ARB2A: variants seen among roughly 807,000 people sequenced by gnomAD.
ARB2A encodes the protein ARB2 cotranscriptional regulator A.
the ARB2A span, among the ~76,000 whole-genome samples, chr5:94,020,647 C>T: frequency 6.6e-6 from 1 of 152,210 alleles, no homozygotes; most frequent in East Asian, 1.9e-4. Context: ...AGAGAGGGTA[C>T]ATATTGTAGA....
chr5:94,064,377 T>C, the ARB2A span, among the ~76,000 whole-genome samples: 1 of 152,174 alleles, frequency 6.6e-6, no homozygotes, highest in Admixed American at 6.5e-5. Flanking sequence ...ATACTTGAAT[T>C]TGTGGTGTCC....
At chr5:93,894,407 AT>A in the ARB2A span, among the ~76,000 whole-genome samples, 2 of 151,128 alleles carry the variant, frequency 1.3e-5, no homozygotes, top group African/African-American at 2.4e-5. Context: ...TTTTTTTAAT[AT>A]TAAAAAAAAA....
At chr5:93,740,730 C>T in the ARB2A span, 3 of 1,612,808 alleles carry the variant, frequency 1.9e-6, no homozygotes. Flanking sequence ...CGGCTGTCCC[C>T]ACAATCTCCC....
chr5:93,788,911 C>A, the ARB2A span, among the ~76,000 whole-genome samples: 173 of 152,232 alleles, frequency 1.1e-3, no homozygotes, highest in African/African-American at 3.5e-3. Flanking sequence ...ATGGCTTCAC[C>A]CTAACCTAAA....
the ARB2A span, among the ~76,000 whole-genome samples, chr5:93,941,435 GAAC>G: frequency 1.4e-4 from 22 of 152,046 alleles, no homozygotes; most frequent in Non-Finnish European, 2.4e-4. Flanking sequence ...ACTCAAAAAA[GAAC>G]AACATGACAG....
the ARB2A span, among the ~76,000 whole-genome samples, chr5:93,971,199 CCT>C: frequency 6.6e-6 from 1 of 151,940 alleles, no homozygotes; most frequent in Non-Finnish European, 1.5e-5. Flanking sequence ...GGGATTTCAC[CCT>C]GTTAGCCAGG....
chr5:93,817,978 C>T, the ARB2A span, among the ~76,000 whole-genome samples: 2 of 151,720 alleles, frequency 1.3e-5, no homozygotes, highest in African/African-American at 2.4e-5. Flanking sequence ...ATATAAAGAC[C>T]TATGAAAAAT....
the ARB2A span, among the ~76,000 whole-genome samples, chr5:93,732,045 G>A: frequency 6.6e-6 from 1 of 152,212 alleles, no homozygotes; most frequent in Non-Finnish European, 1.5e-5. Context: ...TAGCTGGAAA[G>A]TGAGGTGGCA....
chr5:93,790,463 A>AT, the ARB2A span, among the ~76,000 whole-genome samples: 4 of 152,334 alleles, frequency 2.6e-5, no homozygotes, highest in South Asian at 6.2e-4. Context: ...CTTTGATTAC[A>AT]TGGTGCAAGA....
At chr5:94,096,608 T>C in the ARB2A span, among the ~76,000 whole-genome samples, 2 of 152,086 alleles carry the variant, frequency 1.3e-5, no homozygotes, top group Non-Finnish European at 2.9e-5. Flanking sequence ...CTCTTTAACT[T>C]CTAAGCAAAG....
the ARB2A span, among the ~76,000 whole-genome samples, chr5:93,894,486 C>A: frequency 3.3e-5 from 5 of 152,070 alleles, no homozygotes; most frequent in African/African-American, 9.6e-5. Context: ...CTTCTCTGTA[C>A]ACAGTGAAAT....
the ARB2A span, among the ~76,000 whole-genome samples, chr5:93,849,594 T>C: frequency 6.6e-6 from 1 of 152,116 alleles, no homozygotes; most frequent in African/African-American, 2.4e-5. Context: ...AATCTGAGTA[T>C]GAATAAGACT....
the ARB2A span, among the ~76,000 whole-genome samples, chr5:93,756,686 A>C: frequency 6.6e-6 from 1 of 152,022 alleles, no homozygotes; most frequent in Non-Finnish European, 1.5e-5. Context: ...GTACTACACC[A>C]AGGGAACACA....
the ARB2A span, among the ~76,000 whole-genome samples, chr5:93,833,583 T>C: frequency 6.6e-6 from 1 of 152,192 alleles, no homozygotes; most frequent in Non-Finnish European, 1.5e-5. Context: ...AAAAGACTTT[T>C]CAAAAGAATA....
the ARB2A span, among the ~76,000 whole-genome samples, chr5:94,105,968 A>C: frequency 6.6e-6 from 1 of 152,092 alleles, no homozygotes; most frequent in Non-Finnish European, 1.5e-5. Context: ...CTTTTACCAT[A>C]CACAAAAATC....
At chr5:93,956,396 G>T in the ARB2A span, among the ~76,000 whole-genome samples, 3 of 152,230 alleles carry the variant, frequency 2.0e-5, no homozygotes, top group East Asian at 5.8e-4. Flanking sequence ...TTGAAAAAAG[G>T]TTTTAACCAT....
chr5:94,085,959 C>T, the ARB2A span, among the ~76,000 whole-genome samples: 8 of 151,832 alleles, frequency 5.3e-5, no homozygotes, highest in South Asian at 1.0e-3. Flanking sequence ...GTGATAAAAC[C>T]GTAAGAAAAA....
At chr5:93,740,309 C>T in the ARB2A span, 105 of 351,322 alleles carry the variant, frequency 3.0e-4, no homozygotes, top group Admixed American at 5.5e-4. Flanking sequence ...AACAAAATAT[C>T]GAAACCATCT....
the ARB2A span, chr5:93,805,160 A>G: frequency 2.0e-6 from 2 of 984,864 alleles, no homozygotes; most frequent in Non-Finnish European, 2.4e-6. Context: ...TCTAGAAATC[A>G]CCAATCTAAA....
Sources: gnomAD v4.1 joint callset for allele counts (sites outside exome capture counted in the v4.1 genomes callset) on GRCh38, gnomAD v4.1.1 for gene constraint, MANE v1.5 for transcripts, NCBI Gene and HGNC (gene_info 2026-07-23, HGNC 2026-07-21) for gene names.